The following CTNNA2 variants were observed in gnomAD, a reference collection of about 807,000 sequenced individuals.
The protein encoded by CTNNA2 is catenin alpha 2, also known as catenin alpha-2.
CTNNA2 carries 42 observed loss-of-function variants against 101.0 expected under a neutral mutation model. The observed-to-expected ratio is 0.42, with a 90% CI of 0.32 to 0.54. The LOEUF is 0.54. Ranked by LOEUF, CTNNA2 falls within the 20% of genes least tolerant of loss-of-function variation. The pLI is 0.14. For synonymous variants in CTNNA2, 450 were observed against 456.4 expected (o/e 0.99, Z 0.18); for missense variants, 871 against 1,223.1 (o/e 0.71, Z 4.29).
In CTNNA2 at chr2:79,226,614, T is replaced by C. The variant is rs113031833; in HGVS notation, c.-406+28538T>C. On this transcript the variant is annotated intron_variant, in intron 2 of 21. Coordinates refer to the CTNNA2 transcript ENST00000466387. ...TTTTTAAAATATCATTAAATGCACC[T>C]CAATCAATATATTTCTTATTATTTC... Among the ~76,000 whole-genome samples the C allele has an allele frequency of 3.2e-3, 487 of 152,302 alleles. 5 individuals are homozygous for C. Among genetic ancestry groups the C allele is most frequent in the African/African-American group, 0.011 (463 of 41,574 alleles).
At chr2:80,317,655 C>G (rs1678259837) in intron 7 of CTNNA2, among the ~76,000 whole-genome samples, 1 of 152,190 alleles carries the variant, frequency 6.6e-6, no homozygotes, top group Non-Finnish European at 1.5e-5. Context: ...CCCCTTCTAC[C>G]ATCTGTTGCT....
intron 4 of CTNNA2, among the ~76,000 whole-genome samples, chr2:79,423,975 AT>A (rs1241899825): frequency 6.6e-6 from 1 of 152,114 alleles, no homozygotes. Context: ...ATCAAGACAA[AT>A]AAAAAAACCT....
At chr2:80,482,671 A>G (rs1686240739) in intron 9 of CTNNA2, among the ~76,000 whole-genome samples, 2 of 152,210 alleles carry the variant, frequency 1.3e-5, no homozygotes, top group African/African-American at 4.8e-5. Flanking sequence ...TAGAAGGTGT[A>G]TTATTTTTTG....
intron 7 of CTNNA2, among the ~76,000 whole-genome samples, chr2:80,042,980 CCCTTCCTTTCCTTT>C (rs1008779627): frequency 1.6e-4 from 24 of 151,798 alleles, no homozygotes; most frequent in South Asian, 4.2e-4. Flanking sequence ...TTCTTTCCTT[CCCTTCCTTTCCTTT>C]CCTTCCTTTC....
At chr2:79,746,802 C>T (rs185581926) in intron 3 of CTNNA2, among the ~76,000 whole-genome samples, 3 of 152,268 alleles carry the variant, frequency 2.0e-5, no homozygotes, top group South Asian at 4.1e-4. Context: ...TGGGTTCTTT[C>T]CTTGTTACTT....
At chr2:80,002,050 GT>G in intron 7 of CTNNA2, among the ~76,000 whole-genome samples, 1 of 152,308 alleles carries the variant, frequency 6.6e-6, no homozygotes, top group Admixed American at 6.5e-5. Context: ...TAAACAATGT[GT>G]TTTTTAAGTG....
intron 4 of CTNNA2, among the ~76,000 whole-genome samples, chr2:79,409,154 C>T (rs1340850247): frequency 2.0e-5 from 3 of 151,788 alleles, no homozygotes; most frequent in Non-Finnish European, 2.9e-5. Context: ...TTGTTTGTTT[C>T]TTTCTTGTAA....
chr2:79,353,282 A>G (rs373177470), intron 3 of CTNNA2, among the ~76,000 whole-genome samples: 1 of 152,160 alleles, frequency 6.6e-6, no homozygotes, highest in African/African-American at 2.4e-5. Context: ...TCTAATTTCC[A>G]TGTGATGGTA....
chr2:80,299,748 T>A (rs1676073982), intron 7 of CTNNA2: 1 of 152,094 alleles, frequency 6.6e-6, no homozygotes, highest in African/African-American at 2.4e-5. Flanking sequence ...TAAACTACAG[T>A]TTCCAATATT....
At chr2:79,969,211 A>AT (rs1690301176) in intron 7 of CTNNA2, among the ~76,000 whole-genome samples, 1 of 152,202 alleles carries the variant, frequency 6.6e-6, no homozygotes, top group Admixed American at 6.5e-5. Flanking sequence ...CAACAAAAAA[A>AT]TTTTAATGTG....
intron 7 of CTNNA2, among the ~76,000 whole-genome samples, chr2:79,958,624 CTTGA>C (rs1689409151): frequency 6.6e-6 from 1 of 152,130 alleles, no homozygotes; most frequent in African/African-American, 2.4e-5. Flanking sequence ...CTCCTAACAC[CTTGA>C]TTTTAGTCCA....
rs182630372 is a variant in CTNNA2, at chr2:80,251,137, G to A, written c.1057-142074G>A. 3.8e-3 allele frequency among the ~76,000 whole-genome samples: 577 copies of A among 152,146 alleles called. 4 individuals are homozygous for A. The highest frequency in any genetic ancestry group is 0.013 in the African/African-American group (545 of 41,504). On this transcript the variant is annotated intron_variant, in intron 7 of 18. Coordinates refer to ENST00000402739, the MANE Select transcript of CTNNA2 (RefSeq NM_001282597.3). ...TGGTGTTTCTTCCCACACGTTTATG[G>A]ACAATTTTAAGTAAGTCCTTAGTAG... is the stretch of plus-strand genomic sequence containing the variant.
At chr2:80,518,447 A>T (rs777467237) in intron 9 of CTNNA2, among the ~76,000 whole-genome samples, 24 of 152,276 alleles carry the variant, frequency 1.6e-4, no homozygotes, top group Non-Finnish European at 2.8e-4. Context: ...ATGATGGATG[A>T]TACCCCTGCC....
At chr2:79,473,842 A>T (rs1316644834) in intron 4 of CTNNA2, among the ~76,000 whole-genome samples, 1 of 152,140 alleles carries the variant, frequency 6.6e-6, no homozygotes. Context: ...GAAGTTAAAT[A>T]AAATATACTT....
intron 14 of CTNNA2, chr2:80,586,279 T>C (rs1400889204): frequency 6.6e-6 from 1 of 152,212 alleles, no homozygotes; most frequent in Non-Finnish European, 1.5e-5. Flanking sequence ...GCAAGTGCTA[T>C]AGTTGACAGA....
At chr2:80,109,719 C>A (rs1184968968) in intron 7 of CTNNA2, among the ~76,000 whole-genome samples, 1 of 152,118 alleles carries the variant, frequency 6.6e-6, no homozygotes, top group Non-Finnish European at 1.5e-5. Context: ...GCTCTTCAAT[C>A]AAATTACCCA....
intron 7 of CTNNA2, among the ~76,000 whole-genome samples, chr2:79,976,205 T>G (rs1017542035): frequency 1.3e-5 from 2 of 152,222 alleles, no homozygotes; most frequent in Non-Finnish European, 2.9e-5. Context: ...TCTGTGGGCA[T>G]GTGTCTGTAA....
At chr2:80,267,001 T>C (rs544178470) in intron 7 of CTNNA2, among the ~76,000 whole-genome samples, 1 of 152,230 alleles carries the variant, frequency 6.6e-6, no homozygotes, top group East Asian at 1.9e-4. Flanking sequence ...CCTTGGAGAA[T>C]TGAGAAAAAG....
chr2:79,455,621 C>CA (rs1670813422), intron 4 of CTNNA2, among the ~76,000 whole-genome samples: 1 of 152,150 alleles, frequency 6.6e-6, no homozygotes, highest in Admixed American at 6.5e-5. Context: ...AAATGCTCTT[C>CA]AAAAAACCTG....
Sources: gnomAD v4.1 joint callset for allele counts (sites outside exome capture counted in the v4.1 genomes callset) on GRCh38, gnomAD v4.1.1 for gene constraint, MANE v1.5 for transcripts, NCBI Gene and HGNC (gene_info 2026-07-23, HGNC 2026-07-21) for gene names.